KLHL29: variants seen among roughly 807,000 people sequenced by gnomAD.
The protein encoded by KLHL29 is kelch like family member 29.
KLHL29 carries 21 observed loss-of-function variants against 80.4 expected under a neutral mutation model. That is an observed-to-expected ratio of 0.26 (90% confidence interval 0.19 to 0.38). The LOEUF (loss-of-function observed/expected upper bound fraction) is 0.38, where lower values mean the gene tolerates loss of function less well. Among genes scored for constraint, KLHL29 ranks in the 10% least tolerant of loss-of-function variants. KLHL29 has a pLI of 1.00. For synonymous variants in KLHL29, 511 were observed against 526.8 expected, an observed-to-expected ratio of 0.97 and a Z score of 0.41; for missense variants, 867 against 1,223.9, an observed-to-expected ratio of 0.71 and a Z score of 4.35.
intron 1 of KLHL29, among the ~76,000 whole-genome samples, chr2:23,397,977 T>G (rs1014016146): frequency 2.9e-5 from 4 of 139,372 alleles, no homozygotes; most frequent in African/African-American, 9.7e-5. Flanking sequence ...GGTGAGGATG[T>G]GGAGAAACTG....
chr2:23,544,353 C>T (rs538063591), intron 2 of KLHL29, among the ~76,000 whole-genome samples: 4 of 152,314 alleles, frequency 2.6e-5, no homozygotes, highest in African/African-American at 9.6e-5. Context: ...TCCGGGGCTG[C>T]GCTGCCTGGG....
intron 2 of KLHL29, among the ~76,000 whole-genome samples, chr2:23,515,498 C>T (rs73919730): frequency 0.07 from 10,641 of 152,296 alleles, 426 homozygotes; most frequent in Non-Finnish European, 0.089. Context: ...GCCTGTGGGC[C>T]TTGGGGGGCC....
At chr2:23,586,820 T>C (rs1274095127) in intron 3 of KLHL29, among the ~76,000 whole-genome samples, 1 of 151,954 alleles carries the variant, frequency 6.6e-6, no homozygotes, top group Non-Finnish European at 1.5e-5. Context: ...ACACGCCGCA[T>C]TGTAGTTAGT....
chr2:23,450,624 A>G (rs1370895324), intron 1 of KLHL29, among the ~76,000 whole-genome samples: 1 of 152,188 alleles, frequency 6.6e-6, no homozygotes, highest in African/African-American at 2.4e-5. Flanking sequence ...TTCCCTTTGA[A>G]GTGAAGTTGC....
At chr2:23,538,129 C>T (rs1328961053) in intron 2 of KLHL29, among the ~76,000 whole-genome samples, 1 of 152,182 alleles carries the variant, frequency 6.6e-6, no homozygotes, top group Non-Finnish European at 1.5e-5. Flanking sequence ...CAAATTCATA[C>T]CACCAATAAG....
chr2:23,683,148 G>T (rs1466513389), intron 5 of KLHL29, among the ~76,000 whole-genome samples: 10 of 152,250 alleles, frequency 6.6e-5, no homozygotes, highest in Non-Finnish European at 1.5e-4. Flanking sequence ...GGCCAGGAAG[G>T]AGTCCTGGCG....
chr2:23,561,218 G>A lies in KLHL29; in HGVS notation c.-45-934G>A, dbSNP rs79238629. On this transcript the variant is annotated intron_variant, in intron 2 of 13. Transcript: ENST00000486442. ...CTCTGAGACCGACAGCTTCCCCTGC[G>A]TCTTTACAGCGTTCTTGACCGAGAG... 3.7e-3 allele frequency among the ~76,000 whole-genome samples: 558 copies of A among 152,302 alleles called. 11 individuals are homozygous for A. The East Asian group carries it at 0.049, about 13-fold the overall frequency.
chr2:23,609,958 A>T (rs1034438774), intron 3 of KLHL29, among the ~76,000 whole-genome samples: 1 of 152,176 alleles, frequency 6.6e-6, no homozygotes, highest in Non-Finnish European at 1.5e-5. Flanking sequence ...GTCTTCAGTG[A>T]CATGGGGGTA....
intron 2 of KLHL29, among the ~76,000 whole-genome samples, chr2:23,518,532 T>C (rs879856722): frequency 6.6e-6 from 1 of 152,144 alleles, no homozygotes; most frequent in Non-Finnish European, 1.5e-5. Context: ...TTCCGTGGCC[T>C]AGAAAAGACA....
At chr2:23,546,285 C>T (rs1448530134) in intron 2 of KLHL29, among the ~76,000 whole-genome samples, 1 of 152,114 alleles carries the variant, frequency 6.6e-6, no homozygotes, top group African/African-American at 2.4e-5. Flanking sequence ...GTTTTCAGAG[C>T]TTAGTATGTC....
At chr2:23,523,237 G>A (rs1335087078) in intron 2 of KLHL29, among the ~76,000 whole-genome samples, 1 of 152,240 alleles carries the variant, frequency 6.6e-6, no homozygotes, top group African/African-American at 2.4e-5. Flanking sequence ...GGCTGGGGCA[G>A]AGGGCCTGCA....
At chr2:23,512,483 C>A (rs907874366) in intron 2 of KLHL29, among the ~76,000 whole-genome samples, 2 of 151,962 alleles carry the variant, frequency 1.3e-5, no homozygotes, top group Non-Finnish European at 2.9e-5. Context: ...AAATACCTAT[C>A]ACATTGTGAT....
At chr2:23,522,782 C>T (rs1169982011) in intron 2 of KLHL29, among the ~76,000 whole-genome samples, 1 of 152,182 alleles carries the variant, frequency 6.6e-6, no homozygotes, top group Non-Finnish European at 1.5e-5. Context: ...TGGCAACTCT[C>T]TCTAAAGCCA....
At chr2:23,514,956 A>T (rs945764039) in intron 2 of KLHL29, among the ~76,000 whole-genome samples, 4 of 152,132 alleles carry the variant, frequency 2.6e-5, no homozygotes, top group Non-Finnish European at 4.4e-5. Context: ...CCTTAATCTC[A>T]GTAGAATTTC....
At chr2:23,443,299 A>T (rs1166533783) in intron 1 of KLHL29, among the ~76,000 whole-genome samples, 1 of 152,236 alleles carries the variant, frequency 6.6e-6, no homozygotes, top group African/African-American at 2.4e-5. Flanking sequence ...CTATAGGGAC[A>T]TTCTCCTGCT....
chr2:23,480,356 A>G (rs566371840), intron 2 of KLHL29, among the ~76,000 whole-genome samples: 26 of 152,300 alleles, frequency 1.7e-4, no homozygotes, highest in African/African-American at 6.0e-4. Context: ...GCATGGTGAC[A>G]CACGCCTATA....
chr2:23,421,555 T>G (rs1488635199), intron 1 of KLHL29, among the ~76,000 whole-genome samples: 3 of 111,708 alleles, frequency 2.7e-5, no homozygotes, highest in South Asian at 3.0e-4. Context: ...TGTGTGTGTG[T>G]GTGTGTGTGT....
intron 2 of KLHL29, among the ~76,000 whole-genome samples, chr2:23,482,350 G>T (rs1019952238): frequency 1.3e-5 from 2 of 152,196 alleles, no homozygotes; most frequent in African/African-American, 4.8e-5. Context: ...TGCTTACCTC[G>T]CACCTGCTCA....
intron 5 of KLHL29, among the ~76,000 whole-genome samples, chr2:23,652,908 A>G (rs1670124494): frequency 6.6e-6 from 1 of 152,024 alleles, no homozygotes; most frequent in African/African-American, 2.4e-5. Flanking sequence ...CCCCAGCCCC[A>G]CCTTCATTCC....
Sources: gnomAD v4.1 joint callset for allele counts (sites outside exome capture counted in the v4.1 genomes callset) on GRCh38, gnomAD v4.1.1 for gene constraint, MANE v1.5 for transcripts, NCBI Gene and HGNC (gene_info 2026-07-23, HGNC 2026-07-21) for gene names.